LRP5: variants seen among roughly 807,000 people sequenced by gnomAD.
The protein encoded by LRP5 is LDL receptor related protein 5.
A neutral mutation model predicts 154.1 loss-of-function variants in LRP5; 62 were observed. The observed-to-expected ratio is 0.40, with a 90% CI of 0.33 to 0.50. The LOEUF (loss-of-function observed/expected upper bound fraction) is 0.50. Ranked by LOEUF, LRP5 falls within the 20% of genes least tolerant of loss-of-function variation. LRP5 has a pLI of 0.55. For synonymous variants in LRP5, 966 were observed against 1,011.5 expected, an observed-to-expected ratio of 0.96 and a Z score of 0.85; for missense variants, 1,915 against 2,336.7, an observed-to-expected ratio of 0.82 and a Z score of 3.72.
At chr11:68,317,947 G>T (rs1264660107) in intron 1 of LRP5, among the ~76,000 whole-genome samples, 1 of 151,942 alleles carries the variant, frequency 6.6e-6, no homozygotes, top group Admixed American at 6.6e-5. Context: ...GGGGGTGCGG[G>T]GATTGTGTTT....
upstream of LRP5, among the ~76,000 whole-genome samples, chr11:68,310,754 CAAAAA>C (rs756320384): frequency 1.6e-5 from 1 of 63,918 alleles, no homozygotes. Flanking sequence ...GACCCTGTCT[CAAAAA>C]AAAAAAAAAA....
chr11:68,431,613 C>T (rs957619312), intron 17 of LRP5, among the ~76,000 whole-genome samples: 22 of 152,110 alleles, frequency 1.4e-4, no homozygotes, highest in Admixed American at 1.3e-4. Context: ...GGAGTAGGGC[C>T]GCGGGGTGCT....
chr11:68,440,939 T>G (rs1195972085), intron 21 of LRP5, among the ~76,000 whole-genome samples: 1 of 152,150 alleles, frequency 6.6e-6, no homozygotes, highest in African/African-American at 2.4e-5. Context: ...CAGCTAATTT[T>G]GTATTTTTAG....
chr11:68,404,763 G>A (rs1052179656), intron 8 of LRP5, among the ~76,000 whole-genome samples: 2 of 152,056 alleles, frequency 1.3e-5, no homozygotes, highest in African/African-American at 4.8e-5. Flanking sequence ...GAGGTCAGGA[G>A]ATCGAGACCA....
intron 1 of LRP5, among the ~76,000 whole-genome samples, chr11:68,330,502 C>T (rs961222217): frequency 3.3e-5 from 5 of 152,112 alleles, no homozygotes; most frequent in African/African-American, 9.7e-5. Context: ...AATCTCTGCC[C>T]GACCCAGACA....
At chr11:68,347,704 C>T (rs963316495) in intron 1 of LRP5, 143 bp from the exon 2 acceptor site, 1 of 1,025,278 alleles carries the variant, frequency 9.8e-7, no homozygotes, top group Non-Finnish European at 1.5e-6. Context: ...CCTGACAACG[C>T]CTTAGGGGTG....
At chr11:68,406,443 C>T in intron 8 of LRP5, 81 bp from the exon 9 acceptor site, 2 of 1,429,466 alleles carry the variant, frequency 1.4e-6, no homozygotes, top group Non-Finnish European at 2.0e-6. Flanking sequence ...CTCACGGCAG[C>T]ATTCATTGTG....
rs1019409513 is a variant in LRP5 at position 68,312,749 on chromosome 11, T to A, written c.35T>A (p.Leu12Gln). ...GCGCCGCCCGGGCCGCCGTGGCCGC[T>A]GCTGCTGCTGCTGCTGCTGCTGCTG... ...EAAPPGPPWP[L>Q]LLLLLLLLAL... The change falls in exon 1 of 23, where the codon CTG (leucine) becomes CAG (glutamine). Residue 12 changes from leucine to glutamine, a missense_variant. Leu to Gln is a moderately radical substitution (Grantham distance 113, BLOSUM62 -2). Around this residue, in one of 3 missense-constraint regions of LRP5, gnomAD observed 48 missense variants for 25.7 expected, o/e 1.87. Coordinates refer to ENST00000294304, the MANE Select transcript of LRP5 (RefSeq NM_002335.4). 37 of 758,636 alleles carry A rather than the reference T, an allele frequency of 4.9e-5. No individual in the cohort carries two copies. Among genetic ancestry groups the A allele is most frequent in the Admixed American group, 2.6e-4 (5 of 19,142 alleles). The allele number at this position is 758,636 out of a possible 1,614,324, so 47.0% of individuals were successfully genotyped here.
At chr11:68,338,076 A>C (rs2098606713) in intron 1 of LRP5, among the ~76,000 whole-genome samples, 1 of 151,828 alleles carries the variant, frequency 6.6e-6, no homozygotes. Flanking sequence ...AGGCTCCTTG[A>C]CTCTGGAGCC....
At chr11:68,309,466 C>G (rs529152525), upstream of LRP5, among the ~76,000 whole-genome samples, 23 of 152,088 alleles carry the variant, frequency 1.5e-4, no homozygotes, top group South Asian at 3.5e-3. Context: ...AACTCCTGAC[C>G]TCGTGATCCA....
rs992468045 is a variant in LRP5, at chr11:68,423,387, G to T, written c.3028-102G>T. The T allele has an allele frequency of 1.4e-5, 15 of 1,071,010 alleles. No individual in the cohort carries two copies. The highest frequency in any genetic ancestry group is 1.7e-5 in the Non-Finnish European group (12 of 688,450). The allele number at this position is 1,071,010 out of a possible 1,614,324, so 66.3% of individuals were successfully genotyped here. A position where few individuals can be genotyped will look rare whatever the true frequency, so the allele number is the denominator to read the frequency against. Reference sequence around the variant, plus strand: ...AGGGCTCTCCAGCCAGTGCCCGGGGGTCTCCACCAGTGCCCGGGGGTCTCC... The same window carrying T: ...AGGGCTCTCCAGCCAGTGCCCGGGGTTCTCCACCAGTGCCCGGGGGTCTCC... On this transcript the variant is annotated intron_variant, in intron 13 of 22. Coordinates refer to ENST00000294304, the MANE Select transcript of LRP5 (RefSeq NM_002335.4). This position sits in a 1 kb window ranked among gnomAD's most constrained non-coding sequence, Gnocchi z 4.7.
At chr11:68,368,278 G>A (rs1438507955) in intron 5 of LRP5, among the ~76,000 whole-genome samples, 1 of 152,220 alleles carries the variant, frequency 6.6e-6, no homozygotes, top group Non-Finnish European at 1.5e-5. Flanking sequence ...ACCTGGATCG[G>A]GTACGGAACA....
intron 11 of LRP5, among the ~76,000 whole-genome samples, chr11:68,412,099 C>T (rs545757640): frequency 3.0e-4 from 45 of 152,102 alleles, no homozygotes; most frequent in Non-Finnish European, 5.9e-4. Context: ...GCCCGGGACC[C>T]CAGGGCTGGT....
At chr11:68,361,291 C>T (rs868566607) in intron 3 of LRP5, among the ~76,000 whole-genome samples, 2 of 145,796 alleles carry the variant, frequency 1.4e-5, no homozygotes, top group Admixed American at 1.4e-4. Context: ...GGCTACAGAG[C>T]GAGACTCTGT....
Position 68,386,505 on chromosome 11 carries a change from T to C in LRP5, c.1205T>C (p.Leu402Pro), listed in dbSNP as rs761997651. 1.2e-5 allele frequency: 19 copies of C among 1,614,030 alleles called. No homozygotes were observed. The highest frequency in any genetic ancestry group is 1.5e-5 in the Non-Finnish European group (18 of 1,179,992). Residue 402 changes from leucine to proline, a missense_variant, in exon 6 of 23, where the codon CTG becomes CCG. By Grantham distance (98) the Leu-to-Pro change is moderately conservative (BLOSUM62 -3). This residue lies in a region of LRP5 where 773 missense variants were observed against 1,100.9 expected (regional missense o/e 0.70). Transcript: ENST00000294304. The surrounding 1 kb of genome is among the most constrained non-coding windows in gnomAD (Gnocchi z 7.9). ...GTGCGGGCCATCCGCAGGGCGTACC[T>C]GGACGGGTCTGGGGCGCAGACGCTG... ...DEVRAIRRAY[L>P]DGSGAQTLVN...
rs1283275490 is a variant in LRP5, at chr11:68,413,841, C to A, written c.2656C>A (p.Leu886Met). 1.2e-6 allele frequency: 2 copies of A among 1,613,606 alleles called. No homozygotes were observed. The highest frequency in any genetic ancestry group is 3.3e-5 in the Admixed American group (2 of 60,016). Reference sequence around the variant, plus strand: ...GAACCGCACCCTCATCCAGGGCCACCTGGACTTCGTGATGGACATCCTGGT... The same window carrying A: ...GAACCGCACCCTCATCCAGGGCCACATGGACTTCGTGATGGACATCCTGGT... ...GRNRTLIQGHLDFVMDILVFH... is the reference protein window; with the variant it reads ...GRNRTLIQGHMDFVMDILVFH... The change falls in exon 12 of 23, where the codon CTG (leucine) becomes ATG (methionine). Residue 886 changes from leucine (L) to methionine (M), a missense_variant. Physicochemically the swap from Leu to Met is conservative, Grantham distance 15 (BLOSUM62 2). Around this residue, in one of 3 missense-constraint regions of LRP5, gnomAD observed 1,094 missense variants for 1,210.1 expected, o/e 0.90. Coordinates refer to ENST00000294304, the MANE Select transcript of LRP5 (RefSeq NM_002335.4). This position sits in a 1 kb window ranked among gnomAD's most constrained non-coding sequence, Gnocchi z 5.1.
intron 5 of LRP5, among the ~76,000 whole-genome samples, chr11:68,377,254 G>C (rs1257262427): frequency 6.6e-6 from 1 of 152,184 alleles, no homozygotes; most frequent in Non-Finnish European, 1.5e-5. Context: ...CCCTTCCTGA[G>C]GCCGGCACTG....
chr11:68,361,161 C>G (rs542031065), intron 3 of LRP5, among the ~76,000 whole-genome samples: 4 of 148,040 alleles, frequency 2.7e-5, no homozygotes, highest in Non-Finnish European at 4.5e-5. Context: ...AAAAATTAGC[C>G]GGGCATCGTG....
chr11:68,442,517 C>T (rs1324659747), intron 21 of LRP5, among the ~76,000 whole-genome samples: 1 of 152,170 alleles, frequency 6.6e-6, no homozygotes, highest in Non-Finnish European at 1.5e-5. Context: ...CTAAAGTGAT[C>T]CTCCTGCCTC....
Sources: gnomAD v4.1 joint callset for allele counts (sites outside exome capture counted in the v4.1 genomes callset) on GRCh38, gnomAD v4.1.1 for gene constraint, gnomAD v4.1.1 regional missense constraint, Gnocchi (gnomAD v3.1) non-coding constraint, MANE v1.5 for transcripts, NCBI Gene and HGNC (gene_info 2026-07-23, HGNC 2026-07-21) for gene names.